Variants in KIF6 observed in about 807,000 individuals in gnomAD.
The protein encoded by KIF6 is kinesin family member 6.
Under a neutral mutation model 112.7 loss-of-function variants are expected in KIF6, and 106 were observed. That is an observed-to-expected ratio of 0.94 (90% confidence interval 0.80 to 1.11). The LOEUF (loss-of-function observed/expected upper bound fraction) is 1.11. Ranked by LOEUF, KIF6 falls within the 50% of genes least tolerant of loss-of-function variation. The pLI is 0.00. For synonymous variants in KIF6, 339 were observed against 339.9 expected (o/e 1.00, Z 0.03); for missense variants, 929 against 964.0 (o/e 0.96, Z 0.48).
chr6:39,677,658 A>T, intron 3 of KIF6, among the ~76,000 whole-genome samples: 1 of 133,412 alleles, frequency 7.5e-6, no homozygotes, highest in Admixed American at 7.5e-5. Flanking sequence ...CATTAGGTAT[A>T]TCTCCCAATG....
At chr6:39,630,051 G>A (rs147829518) in intron 5 of KIF6, among the ~76,000 whole-genome samples, 184 of 152,118 alleles carry the variant, frequency 1.2e-3, no homozygotes, top group Non-Finnish European at 1.9e-3. Context: ...ATATGTGTCA[G>A]TTCTCTTGCC....
intron 21 of KIF6, among the ~76,000 whole-genome samples, chr6:39,344,433 G>T (rs189380414): frequency 1.3e-5 from 2 of 152,142 alleles, no homozygotes; most frequent in Admixed American, 1.3e-4. Flanking sequence ...CTTAAACTCT[G>T]TCCCATGACC....
In KIF6 at chr6:39,613,270, G is replaced by A. The variant is rs2150720656; in HGVS notation, c.558C>T (p.Asn186=). The change falls in exon 6 of 23, where the codon AAC becomes AAT. Residue 186 remains asparagine, a synonymous_variant. Coordinates refer to ENST00000287152, the MANE Select transcript of KIF6 (RefSeq NM_145027.6). The stretch of plus-strand genomic sequence containing the variant: ...CTGTGGTTGCCTGATGGAGAGTCAA[G>A]TTTTTCAGGTGAATGTTCTGATCAG... ...EDPDQNIHLK[N]LTLHQATTEE... 1.2e-6 allele frequency: 2 copies of A among 1,608,192 alleles called. No homozygotes were observed. The highest frequency in any genetic ancestry group is 1.7e-5 in the Admixed American group (1 of 59,204).
intron 13 of KIF6, among the ~76,000 whole-genome samples, chr6:39,490,263 C>T (rs552795839): frequency 4.6e-4 from 70 of 152,328 alleles, no homozygotes; most frequent in Middle Eastern, 3.4e-3. Context: ...CAGTCTGATC[C>T]ATGCAGCAGA....
rs141234974 is a variant in KIF6 at position 39,509,184 on chromosome 6, C to T, written c.1645+30819G>A. ...AACAAACAGAAAGGAATAGCATCAA[C>T]GTCAACAAAAAGGACATCCACCCCA... On this transcript the variant is annotated intron_variant, in intron 13 of 22. Coordinates refer to ENST00000287152, the MANE Select transcript of KIF6 (RefSeq NM_145027.6). Among the ~76,000 whole-genome samples the T allele has an allele frequency of 3.6e-3, 548 of 152,210 alleles. 3 individuals carry two copies. Among genetic ancestry groups the T allele is most frequent in the Non-Finnish European group, 5.5e-3 (373 of 68,006 alleles).
intron 14 of KIF6, among the ~76,000 whole-genome samples, chr6:39,430,842 T>C (rs1479422874): frequency 2.6e-5 from 4 of 152,198 alleles, no homozygotes; most frequent in African/African-American, 9.7e-5. Context: ...TGCCCTAAAG[T>C]TGCTTACCCC....
At chr6:39,650,579 T>A (rs1485223263) in intron 3 of KIF6, among the ~76,000 whole-genome samples, 2 of 151,956 alleles carry the variant, frequency 1.3e-5, no homozygotes, top group East Asian at 3.9e-4. Flanking sequence ...AAAAATGCAT[T>A]TACTGTAGCA....
chr6:39,456,891 A>C (rs1773152143), intron 13 of KIF6, among the ~76,000 whole-genome samples: 1 of 151,520 alleles, frequency 6.6e-6, no homozygotes, highest in Middle Eastern at 3.4e-3. Flanking sequence ...GTGACCTACA[A>C]AGAGACTTAG....
intron 3 of KIF6, among the ~76,000 whole-genome samples, chr6:39,644,410 C>T (rs1785059463): frequency 6.6e-6 from 1 of 152,096 alleles, no homozygotes; most frequent in African/African-American, 2.4e-5. Flanking sequence ...GTGGAAACAA[C>T]ACAAAGTGAC....
intron 3 of KIF6, among the ~76,000 whole-genome samples, chr6:39,640,069 A>G (rs987882419): frequency 2.0e-4 from 30 of 152,216 alleles, no homozygotes; most frequent in African/African-American, 7.2e-4. Context: ...TTCTGGGGAA[A>G]CAATACCTGT....
intron 3 of KIF6, among the ~76,000 whole-genome samples, chr6:39,648,187 C>T (rs2150784435): frequency 8.2e-6 from 1 of 121,742 alleles, no homozygotes; most frequent in Non-Finnish European, 1.6e-5. Flanking sequence ...CCATGCCTGG[C>T]TAATTTTTGT....
chr6:39,359,646 G>A (rs934475422), intron 18 of KIF6, among the ~76,000 whole-genome samples: 1 of 152,092 alleles, frequency 6.6e-6, no homozygotes, highest in Non-Finnish European at 1.5e-5. Context: ...AGTGCAGTGG[G>A]TCTATCACTG....
In KIF6 at chr6:39,348,545, C is replaced by T. The variant is rs528762322; in HGVS notation, c.2181-2019G>A. ...TTCTGGGGATGATGCCATAAATGACCTCTGCCCTCTCCCTTTGCCCAACCA... is the reference window on the plus strand; with the variant it reads ...TTCTGGGGATGATGCCATAAATGACTTCTGCCCTCTCCCTTTGCCCAACCA... On this transcript the variant is annotated intron_variant, in intron 19 of 22. Coordinates refer to ENST00000287152, the MANE Select transcript of KIF6 (RefSeq NM_145027.6). 2.0e-4 allele frequency among the ~76,000 whole-genome samples: 31 copies of T among 152,294 alleles called. No individual in the cohort carries two copies. In the South Asian group the frequency reaches 3.1e-3, roughly 15 times the overall value.
intron 5 of KIF6, among the ~76,000 whole-genome samples, chr6:39,613,659 A>T (rs1783344675): frequency 6.6e-6 from 1 of 152,210 alleles, no homozygotes; most frequent in Non-Finnish European, 1.5e-5. Context: ...AAACTAGGCC[A>T]TATTTTTTCT....
chr6:39,338,598 C>A (rs761589415), intron 22 of KIF6, among the ~76,000 whole-genome samples: 13 of 152,186 alleles, frequency 8.5e-5, no homozygotes, highest in Non-Finnish European at 1.8e-4. Flanking sequence ...AGCTCTGCTA[C>A]ACAACGGAAA....
intron 7 of KIF6, among the ~76,000 whole-genome samples, chr6:39,591,677 T>C (rs1294594712): frequency 6.6e-6 from 1 of 152,144 alleles, no homozygotes; most frequent in Non-Finnish European, 1.5e-5. Flanking sequence ...GGAGCAGATG[T>C]AAAACTTTGG....
At chr6:39,503,263 G>A (rs1170212664) in intron 13 of KIF6, among the ~76,000 whole-genome samples, 3 of 152,124 alleles carry the variant, frequency 2.0e-5, no homozygotes, top group Non-Finnish European at 4.4e-5. Context: ...ATGAAATTAA[G>A]GCAGAGATCA....
chr6:39,434,914 T>A (rs1658950994), intron 13 of KIF6, among the ~76,000 whole-genome samples: 1 of 152,172 alleles, frequency 6.6e-6, no homozygotes, highest in African/African-American at 2.4e-5. Context: ...GATCTCTAGG[T>A]GATTAAAAAA....
At chr6:39,680,162 C>A (rs2245739) in intron 3 of KIF6, among the ~76,000 whole-genome samples, 49,207 of 151,830 alleles carry the variant, frequency 0.32, 9,241 homozygotes, top group Non-Finnish European at 0.4. Flanking sequence ...GGCACACCAC[C>A]ACACCTGGCT....
Sources: gnomAD v4.1 joint callset for allele counts (sites outside exome capture counted in the v4.1 genomes callset) on GRCh38, gnomAD v4.1.1 for gene constraint, MANE v1.5 for transcripts, NCBI Gene and HGNC (gene_info 2026-07-23, HGNC 2026-07-21) for gene names.